UNC79: variants seen among roughly 807,000 people sequenced by gnomAD.
The protein encoded by UNC79 is unc-79 subunit of NALCN channel complex.
In UNC79, 37 loss-of-function variants were observed where a neutral mutation model predicts 283.1. That is an observed-to-expected ratio of 0.13 (90% CI 0.10 to 0.17). UNC79 has a LOEUF of 0.17. UNC79 is among the 10% of genes least tolerant of loss of function. The pLI, the probability that UNC79 is intolerant of heterozygous loss-of-function variation, is 1.00. For synonymous variants in UNC79, 1,107 were observed against 1,200.2 expected (o/e 0.92, Z 1.61); for missense variants, 2,272 against 3,211.1 (o/e 0.71, Z 7.07).
chr14:93,556,818 T>TA (rs1352447338), intron 14 of UNC79, among the ~76,000 whole-genome samples: 8 of 152,102 alleles, frequency 5.3e-5, no homozygotes, highest in Admixed American at 1.3e-4. Context: ...TAGAGCTCTT[T>TA]AAAAAAAACT....
chr14:93,688,818 C>T lies in UNC79; in HGVS notation c.7063C>T (p.Pro2355Ser), dbSNP rs1228240099. Residue 2355 changes from proline (P) to serine (S), a missense_variant, in exon 44 of 49, where the codon CCC becomes TCC. Pro to Ser is a moderately conservative substitution (Grantham distance 74). Around this residue, in one of 11 missense-constraint regions of UNC79, gnomAD observed 225 missense variants for 334.2 expected, o/e 0.67. Transcript: ENST00000555664. The surrounding 1 kb of genome is among the most constrained non-coding windows in gnomAD (Gnocchi z 4.0). The stretch of plus-strand genomic sequence containing the variant: ...CCGCTATCTGCCTTGGCTTTATCAT[C>T]CCCCCTCTGCAATGCAGCAAGGGTA... 2 of 1,613,724 alleles carry T rather than the reference C, an allele frequency of 1.2e-6. No homozygotes were observed. The highest frequency in any genetic ancestry group is 2.2e-5 in the East Asian group (1 of 44,832).
intron 1 of UNC79, among the ~76,000 whole-genome samples, chr14:93,366,729 C>T (rs998130010): frequency 2.6e-5 from 4 of 151,794 alleles, no homozygotes; most frequent in African/African-American, 7.3e-5. Flanking sequence ...CGCAACACCA[C>T]GACCAGCAAA....
chr14:93,705,919 C>G (rs1050857528), intron 48 of UNC79, among the ~76,000 whole-genome samples: 2 of 152,166 alleles, frequency 1.3e-5, no homozygotes, highest in African/African-American at 4.8e-5. Context: ...ATGACCACAG[C>G]CTTTGAGTCC....
In UNC79 at chr14:93,585,083, A is replaced by C. The variant is rs2064124566; in HGVS notation, c.2804-1513A>C. Among the ~76,000 whole-genome samples, 6 of 152,284 alleles carry C rather than the reference A, an allele frequency of 3.9e-5. No individual in the cohort carries two copies. In the South Asian group the frequency reaches 1.2e-3, roughly 32 times the overall value. Reference sequence around the variant, plus strand: ...AAACACATGCTTTGTTCTCCCCTGCATGCTCCTCCAGGCTCCTGTGGCAGC... The same window carrying C: ...AAACACATGCTTTGTTCTCCCCTGCCTGCTCCTCCAGGCTCCTGTGGCAGC... On this transcript the variant is annotated intron_variant, in intron 20 of 48. Coordinates refer to ENST00000555664, the Ensembl canonical transcript of UNC79.
intron 1 of UNC79, among the ~76,000 whole-genome samples, chr14:93,345,280 T>C (rs1055684906): frequency 2.0e-5 from 3 of 152,204 alleles, no homozygotes; most frequent in South Asian, 2.1e-4. Flanking sequence ...GTCTGTTGTA[T>C]TGTAACAGCC....
intron 30 of UNC79, among the ~76,000 whole-genome samples, chr14:93,630,210 C>T (rs1206476874): frequency 2.0e-5 from 3 of 152,104 alleles, no homozygotes; most frequent in African/African-American, 7.2e-5. Flanking sequence ...TAAGGGTTAG[C>T]GAAGGCTATG....
chr14:93,605,027 G>C (rs2065783498), intron 26 of UNC79, 66 bp downstream of exon 27: 1 of 1,492,638 alleles, frequency 6.7e-7, no homozygotes, highest in Non-Finnish European at 9.0e-7. Context: ...GGTAGAGAAT[G>C]CGGTGTCTCT....
chr14:93,630,756 C>G (rs2067965458), intron 30 of UNC79, 45 bp from the exon 33 acceptor site: 1 of 1,535,178 alleles, frequency 6.5e-7, no homozygotes, highest in East Asian at 2.3e-5. Context: ...CTTGAACTTG[C>G]TTTTAATCAG....
chr14:93,356,919 A>G (rs2054097458), intron 1 of UNC79, among the ~76,000 whole-genome samples: 1 of 152,158 alleles, frequency 6.6e-6, no homozygotes, highest in Non-Finnish European at 1.5e-5. Flanking sequence ...GGTAAATTGT[A>G]TGTCGTGAGG....
At chr14:93,450,824 T>A (rs772202422) in intron 1 of UNC79, among the ~76,000 whole-genome samples, 36 of 152,200 alleles carry the variant, frequency 2.4e-4, no homozygotes, top group Non-Finnish European at 5.9e-5. Flanking sequence ...TAAAAAGTTC[T>A]TAACTGATTT....
At chr14:93,699,264 CCT>C (rs2075365603) in intron 47 of UNC79, among the ~76,000 whole-genome samples, 2 of 152,150 alleles carry the variant, frequency 1.3e-5, no homozygotes, top group South Asian at 4.2e-4. Flanking sequence ...TGTCTCCTGT[CCT>C]CTCTTTTTGT....
intron 41 of UNC79, among the ~76,000 whole-genome samples, chr14:93,677,841 G>T (rs915636291): frequency 6.6e-6 from 1 of 152,082 alleles, no homozygotes; most frequent in Non-Finnish European, 1.5e-5. Flanking sequence ...GTAGAGATGG[G>T]GTTTCACCAT....
chr14:93,678,458 G>A (rs2073542769), intron 41 of UNC79, among the ~76,000 whole-genome samples: 1 of 152,140 alleles, frequency 6.6e-6, no homozygotes, highest in Non-Finnish European at 1.5e-5. Flanking sequence ...GTAGATAGAT[G>A]AGCTCACTAA....
chr14:93,597,122 C>T (rs114941626), intron 23 of UNC79, among the ~76,000 whole-genome samples: 2,241 of 152,052 alleles, frequency 0.015, 57 homozygotes, highest in African/African-American at 0.051. Context: ...ATCAAGGCTG[C>T]GTGGGAAAAA....
intron 46 of UNC79, among the ~76,000 whole-genome samples, chr14:93,693,160 A>T (rs931011388): frequency 6.6e-6 from 1 of 152,152 alleles, no homozygotes; most frequent in Non-Finnish European, 1.5e-5. Context: ...GTGTAGAGAG[A>T]TGTCTTAGTT....
chr14:93,465,462 A>G (rs2057136341), intron 1 of UNC79, among the ~76,000 whole-genome samples: 1 of 152,218 alleles, frequency 6.6e-6, no homozygotes, highest in African/African-American at 2.4e-5. Context: ...GCAGGTAAGT[A>G]CACAGAGACA....
intron 23 of UNC79, among the ~76,000 whole-genome samples, chr14:93,595,579 G>A (rs970103321): frequency 2.0e-5 from 3 of 151,928 alleles, no homozygotes; most frequent in Admixed American, 6.6e-5. Context: ...CTTCATCCAC[G>A]CGGGGGCCAT....
rs893214301 is a variant in UNC79, at chr14:93,336,927, C to G, written c.-351+3404C>G. On this transcript the variant is annotated intron_variant, in intron 1 of 49. Coordinates refer to the UNC79 transcript ENST00000256339. ...GTGTTTGGATCATGAAGGCAGATCC[C>G]TCATGAATGGCTTCACACTATCCCC... Among the ~76,000 whole-genome samples, 3 of 152,152 alleles carry G rather than the reference C, an allele frequency of 2.0e-5. No individual in the cohort carries two copies. The East Asian group carries it at 5.8e-4, about 29-fold the overall frequency.
chr14:93,457,753 TG>T (rs1237617991), intron 1 of UNC79, among the ~76,000 whole-genome samples: 1 of 152,234 alleles, frequency 6.6e-6, no homozygotes, highest in Non-Finnish European at 1.5e-5. Context: ...GGAATCAGTC[TG>T]GACATCACAG....
Sources: gnomAD v4.1 joint callset for allele counts (sites outside exome capture counted in the v4.1 genomes callset) on GRCh38, gnomAD v4.1.1 for gene constraint, gnomAD v4.1.1 regional missense constraint, Gnocchi (gnomAD v3.1) non-coding constraint, MANE v1.5 for transcripts, NCBI Gene and HGNC (gene_info 2026-07-23, HGNC 2026-07-21) for gene names.